INPP4B: variants seen among roughly 807,000 people sequenced by gnomAD.
The protein encoded by INPP4B is inositol polyphosphate 4-phosphatase type II.
A neutral mutation model predicts 122.5 loss-of-function variants in INPP4B; 55 were observed. The observed-to-expected ratio is 0.45, with a 90% CI of 0.36 to 0.56. INPP4B has a LOEUF of 0.56. Among genes scored for constraint, INPP4B ranks in the 20% least tolerant of loss-of-function variants. INPP4B has a pLI of 0.00. For missense variants in INPP4B, 1,000 were observed against 1,097.7 expected, an observed-to-expected ratio of 0.91 and a Z score of 1.26; for synonymous variants, 403 against 388.7, an observed-to-expected ratio of 1.04 and a Z score of -0.43.
chr4:142,735,924 A>AACACACACACAC (rs33993491), intron 1 of INPP4B, among the ~76,000 whole-genome samples: 16 of 142,732 alleles, frequency 1.1e-4, no homozygotes, highest in South Asian at 4.7e-4. Flanking sequence ...TATACATTGC[A>AACACACACACAC]ACACACACAC....
At chr4:142,574,005 G>A (rs984445703) in intron 2 of INPP4B, among the ~76,000 whole-genome samples, 13 of 151,912 alleles carry the variant, frequency 8.6e-5, no homozygotes, top group African/African-American at 2.9e-4. Context: ...AAACTGATGG[G>A]GAAATATGAT....
chr4:142,202,423 G>A (rs1841032052), intron 14 of INPP4B, among the ~76,000 whole-genome samples: 1 of 152,038 alleles, frequency 6.6e-6, no homozygotes, highest in African/African-American at 2.4e-5. Flanking sequence ...AGCCTTTAGG[G>A]ATTTTTAAGG....
At chr4:142,135,807 G>A (rs1328527213) in intron 18 of INPP4B, among the ~76,000 whole-genome samples, 1 of 151,992 alleles carries the variant, frequency 6.6e-6, no homozygotes. Context: ...TTTAATGTTT[G>A]TTTGTTTGAG....
intron 2 of INPP4B, among the ~76,000 whole-genome samples, chr4:142,505,231 T>G (rs1339448821): frequency 2.0e-5 from 3 of 149,386 alleles, no homozygotes; most frequent in African/African-American, 7.4e-5. Flanking sequence ...AGAGAGAGAC[T>G]CTGTCTATTA....
intron 12 of INPP4B, among the ~76,000 whole-genome samples, chr4:142,210,305 G>A (rs548280071): frequency 1.2e-3 from 190 of 152,312 alleles, no homozygotes; most frequent in Non-Finnish European, 2.3e-3. Flanking sequence ...GTTCCAATGG[G>A]ATTGCAATTT....
At chr4:142,825,471 G>GTATCA (rs200616320) in intron 1 of INPP4B, among the ~76,000 whole-genome samples, 7,993 of 151,690 alleles carry the variant, frequency 0.053, 266 homozygotes, top group South Asian at 0.13. Flanking sequence ...ATATATATAT[G>GTATCA]TATCATATCA....
intron 1 of INPP4B, among the ~76,000 whole-genome samples, chr4:142,835,527 G>A (rs1033675795): frequency 6.6e-6 from 1 of 152,012 alleles, no homozygotes; most frequent in Non-Finnish European, 1.5e-5. Flanking sequence ...CTAGAATATA[G>A]ACCCAAATAC....
intron 10 of INPP4B, among the ~76,000 whole-genome samples, chr4:142,268,207 C>T (rs919711514): frequency 6.7e-6 from 1 of 150,244 alleles, no homozygotes; most frequent in African/African-American, 2.4e-5. Flanking sequence ...CCTGTAGTCC[C>T]AGCTACTCGG....
intron 2 of INPP4B, among the ~76,000 whole-genome samples, chr4:142,545,785 A>G (rs11721340): frequency 0.14 from 14,230 of 104,742 alleles, 1,149 homozygotes; most frequent in Middle Eastern, 0.2. Flanking sequence ...ATATACACAT[A>G]TATATGTGTG....
intron 1 of INPP4B, among the ~76,000 whole-genome samples, chr4:142,786,660 T>C (rs1470648708): frequency 1.3e-5 from 2 of 152,074 alleles, no homozygotes; most frequent in Non-Finnish European, 2.9e-5. Context: ...AAGGTCTATA[T>C]GGAATAAATC....
chr4:142,720,301 A>C (rs1338669191), intron 2 of INPP4B, among the ~76,000 whole-genome samples: 1 of 152,138 alleles, frequency 6.6e-6, no homozygotes. Flanking sequence ...ATCATTTTTT[A>C]TTGTTAGCAA....
intron 3 of INPP4B, among the ~76,000 whole-genome samples, chr4:142,459,736 T>A (rs1184856942): frequency 6.6e-6 from 1 of 152,148 alleles, no homozygotes; most frequent in Non-Finnish European, 1.5e-5. Flanking sequence ...ATAGGACAAT[T>A]TGGGCTATCT....
intron 14 of INPP4B, among the ~76,000 whole-genome samples, chr4:142,199,697 T>G (rs1004534487): frequency 6.6e-6 from 1 of 152,050 alleles, no homozygotes; most frequent in Non-Finnish European, 1.5e-5. Flanking sequence ...AGAGTACTTA[T>G]CAGTTACTTT....
intron 2 of INPP4B, among the ~76,000 whole-genome samples, chr4:142,661,705 A>G (rs1316425431): frequency 6.6e-6 from 1 of 152,224 alleles, no homozygotes; most frequent in Non-Finnish European, 1.5e-5. Context: ...AAATCTTTCA[A>G]CCTCATTCAG....
intron 2 of INPP4B, among the ~76,000 whole-genome samples, chr4:142,501,690 G>C: frequency 6.6e-6 from 1 of 151,846 alleles, no homozygotes. Context: ...TTGAGGTGAA[G>C]AAAAAAATCT....
At position 142,526,328 on chromosome 4, in the gene INPP4B, T is replaced by G. The variant is rs574218636; in HGVS notation, c.-190-63602A>C. ...GCAGTAGCCAGCCACACAAAATACT[T>G]GCTATAGTCACCCTGTTGTGCTATC... is the stretch of plus-strand genomic sequence containing the variant. On this transcript the variant is annotated intron_variant, in intron 2 of 25. Transcript: ENST00000262992. 7.9e-5 allele frequency among the ~76,000 whole-genome samples: 12 copies of G among 152,178 alleles called. No individual in the cohort carries two copies. In the East Asian group the frequency reaches 2.1e-3, roughly 27 times the overall value.
At chr4:142,097,770 ATT>A (rs1782623410) in intron 23 of INPP4B, among the ~76,000 whole-genome samples, 1 of 152,172 alleles carries the variant, frequency 6.6e-6, no homozygotes, top group Non-Finnish European at 1.5e-5. Flanking sequence ...CTCAACAATT[ATT>A]AACAGAAATA....
Position 142,027,025 on chromosome 4 carries a change from T to G in INPP4B, c.*1757A>C, listed in dbSNP as rs1297472193. The G allele has an allele frequency of 6.6e-6, 1 of 152,076 alleles. No homozygotes were observed. The highest frequency in any genetic ancestry group is 1.5e-5 in the Non-Finnish European group (1 of 68,018). The allele number at this position is 152,076 out of a possible 1,614,324, so 9.4% of individuals were successfully genotyped here. A position where few individuals can be genotyped will look rare whatever the true frequency, so the allele number is the denominator to read the frequency against. On this transcript the variant is annotated 3_prime_UTR_variant, in exon 26 of 26. Coordinates refer to ENST00000262992, the MANE Select transcript of INPP4B (RefSeq NM_001101669.3). ...AACCACAAATCCTACCATTTTCAAA[T>G]GATATTGAACAACTCAAAGGTTGTA...
rs1228058667 is a variant in INPP4B, at chr4:142,764,929, C to T, written c.-253-39028G>A. 2.0e-5 allele frequency among the ~76,000 whole-genome samples: 3 copies of T among 151,966 alleles called. No individual in the cohort carries two copies. The East Asian group carries it at 5.8e-4, about 29-fold the overall frequency. On this transcript the variant is annotated intron_variant, in intron 1 of 25. Transcript: ENST00000262992. ...CCATGAAACTCGTTAAGACTAGGGA[C>T]ATATGAGATTTACTCTCTTAAGAGT... is the stretch of plus-strand genomic sequence containing the variant.
Sources: allele counts gnomAD v4.1 joint callset (sites outside exome capture counted in the v4.1 genomes callset), GRCh38; gene constraint gnomAD v4.1.1; transcripts MANE v1.5; gene names NCBI Gene and HGNC (gene_info 2026-07-23, HGNC 2026-07-21).